Variants in SMARCA2 observed in about 807,000 individuals in gnomAD.
The protein encoded by SMARCA2 is SWI/SNF-related matrix-associated actin-dependent regulator of chromatin subfamily A member 2.
Under a neutral mutation model 199.8 loss-of-function variants are expected in SMARCA2, and 61 were observed. The ratio of observed to expected loss-of-function variants is 0.31; its 90% confidence interval spans 0.25 to 0.38. SMARCA2 has a LOEUF of 0.38. Ranked by LOEUF, SMARCA2 falls within the 10% of genes least tolerant of loss-of-function variation. SMARCA2 has a pLI of 1.00. For missense variants in SMARCA2, 1,344 were observed against 2,012.2 expected (o/e 0.67, Z 6.35); for synonymous variants, 935 against 732.0 (o/e 1.28, Z -4.48).
chr9:2,065,414 G>A (rs73638374), intron 9 of SMARCA2, among the ~76,000 whole-genome samples: 3 of 152,016 alleles, frequency 2.0e-5, no homozygotes, highest in African/African-American at 4.8e-5. Flanking sequence ...TGGAGTGTTC[G>A]ATTTTCTTTC....
intron 21 of SMARCA2, 72 bp downstream of exon 21, chr9:2,097,543 A>G: frequency 1.0e-6 from 1 of 960,988 alleles, no homozygotes. Context: ...AAAACAAACA[A>G]ACAGGAAAAA....
chr9:2,144,070 T>G (rs1824597031), intron 27 of SMARCA2, among the ~76,000 whole-genome samples: 1 of 149,492 alleles, frequency 6.7e-6, no homozygotes, highest in Non-Finnish European at 1.5e-5. Context: ...AGCCGGGAGA[T>G]GGGGGGGGAT....
intron 28 of SMARCA2, among the ~76,000 whole-genome samples, chr9:2,167,547 G>GC (rs1178263285): frequency 1.3e-5 from 2 of 152,210 alleles, no homozygotes; most frequent in African/African-American, 2.4e-5. Context: ...GGTGAACACA[G>GC]CTCCGGGGCA....
chr9:2,080,530 G>A (rs1406855147), intron 14 of SMARCA2, among the ~76,000 whole-genome samples: 1 of 152,198 alleles, frequency 6.6e-6, no homozygotes, highest in Non-Finnish European at 1.5e-5. Context: ...AGTGGTTTCA[G>A]GGTCACGTTG....
At chr9:2,138,150 T>A (rs1231459033) in intron 27 of SMARCA2, among the ~76,000 whole-genome samples, 1 of 150,978 alleles carries the variant, frequency 6.6e-6, no homozygotes, top group African/African-American at 2.5e-5. Flanking sequence ...AGCTTGAGCC[T>A]TCTAATTTCT....
chr9:2,075,497 C>T (rs1396959501), intron 12 of SMARCA2: 2 of 152,124 alleles, frequency 1.3e-5, no homozygotes, highest in African/African-American at 2.4e-5. Context: ...AATCCTTCGC[C>T]AAGTTATTGA....
chr9:2,134,285 C>G (rs889244669), intron 27 of SMARCA2, among the ~76,000 whole-genome samples: 1 of 152,152 alleles, frequency 6.6e-6, no homozygotes, highest in Non-Finnish European at 1.5e-5. Context: ...TGTTACAGGA[C>G]CACAGGTTTA....
intron 27 of SMARCA2, among the ~76,000 whole-genome samples, chr9:2,148,924 C>T (rs552119360): frequency 6.6e-6 from 1 of 151,644 alleles, no homozygotes; most frequent in East Asian, 1.9e-4. Context: ...TCTCTGCCAC[C>T]AACTCTTCAT....
chr9:2,177,581 T>C lies in SMARCA2; in HGVS notation c.4254-3990T>C, dbSNP rs187202235. On this transcript the variant is annotated intron_variant, in intron 29 of 33. Transcript: ENST00000349721. ...TTCTTTTTTTTTTTGAAACTGAGTT[T>C]CGCTCTCGTTGCCCAGGCTGGAGTG... Among the ~76,000 whole-genome samples, 107 of 152,254 alleles carry C rather than the reference T, an allele frequency of 7.0e-4. 1 individual carries two copies. Among genetic ancestry groups the C allele is most frequent in the African/African-American group, 2.5e-3 (105 of 41,562 alleles).
At position 2,191,366 on chromosome 9, in the gene SMARCA2, T is replaced by G; in HGVS notation, c.4695T>G (p.Pro1565=). 1.2e-6 allele frequency: 2 copies of G among 1,614,184 alleles called. No homozygotes were observed. Among genetic ancestry groups the G allele is most frequent in the Non-Finnish European group, 1.7e-6 (2 of 1,180,034 alleles). The change falls in exon 33 of 34, where the codon CCT becomes CCG. Residue 1565 remains proline (P), a synonymous_variant. Coordinates refer to ENST00000349721, the MANE Select transcript of SMARCA2 (RefSeq NM_003070.5). ...KKRPNRGKAK[P]VVSDFDSDEE... ...GGCCAAATCGAGGAAAAGCCAAACC[T>G]GTAGTGAGCGATTTTGACAGCGATG...
At chr9:2,178,127 G>A (rs1826752001) in intron 29 of SMARCA2, among the ~76,000 whole-genome samples, 1 of 151,970 alleles carries the variant, frequency 6.6e-6, no homozygotes, top group Non-Finnish European at 1.5e-5. Context: ...ACAGTGGTAT[G>A]TGGCTCTTTT....
At chr9:2,175,230 C>T (rs1385562253) in intron 29 of SMARCA2, among the ~76,000 whole-genome samples, 1 of 152,006 alleles carries the variant, frequency 6.6e-6, no homozygotes, top group East Asian at 1.9e-4. Flanking sequence ...AAGTAGCCAT[C>T]CTAAGACAGT....
Position 2,017,026 on chromosome 9 carries a change from C to A in SMARCA2, c.-37+1622C>A, listed in dbSNP as rs1818381911. Reference sequence around the variant, plus strand: ...CTGGGTGCAGTTACACGGCGGAGGGCGGGGCGCGGCAGTGCGGGCTCCGGC... The same window carrying A: ...CTGGGTGCAGTTACACGGCGGAGGGAGGGGCGCGGCAGTGCGGGCTCCGGC... On this transcript the variant is annotated intron_variant, in intron 1 of 33. Transcript: ENST00000349721. This position sits in a 1 kb window ranked among gnomAD's most constrained non-coding sequence, Gnocchi z 8.8. 6.6e-6 allele frequency: 1 copy of A among 152,074 alleles called. No homozygotes were observed. The highest frequency in any genetic ancestry group is 2.4e-5 in the African/African-American group (1 of 41,384). The allele number at this position is 152,074 out of a possible 1,614,324, so 9.4% of individuals were successfully genotyped here. A position where few individuals can be genotyped will look rare whatever the true frequency, so the allele number is the denominator to read the frequency against.
At chr9:2,116,435 G>T (rs73391408) in intron 25 of SMARCA2, among the ~76,000 whole-genome samples, 3,615 of 152,012 alleles carry the variant, frequency 0.024, 140 homozygotes, top group African/African-American at 0.081. Flanking sequence ...TCATCCTCCA[G>T]AGCCCTCTCT....
At chr9:2,065,163 C>T (rs1178200628) in intron 9 of SMARCA2, among the ~76,000 whole-genome samples, 7 of 151,848 alleles carry the variant, frequency 4.6e-5, no homozygotes, top group South Asian at 2.1e-4. Flanking sequence ...CCAGCCTGGG[C>T]GACAGAGCGA....
chr9:2,095,657 T>A (rs1244245817), intron 19 of SMARCA2, among the ~76,000 whole-genome samples: 3 of 152,348 alleles, frequency 2.0e-5, no homozygotes, highest in Middle Eastern at 3.4e-3. Context: ...TGTGCTTCCA[T>A]GTGGCCTGAC....
chr9:2,041,085 C>T (rs1261086786), intron 4 of SMARCA2: 1 of 327,750 alleles, frequency 3.1e-6, no homozygotes, highest in Non-Finnish European at 5.5e-6. Flanking sequence ...GGTACTGTTC[C>T]TGGGTTTTGG....
At chr9:2,089,534 G>A (rs535296602) in intron 19 of SMARCA2, among the ~76,000 whole-genome samples, 9 of 152,214 alleles carry the variant, frequency 5.9e-5, no homozygotes, top group Non-Finnish European at 1.0e-4. Flanking sequence ...GGTGTACAAC[G>A]TTGATCACTT....
intron 7 of SMARCA2, among the ~76,000 whole-genome samples, chr9:2,057,178 G>C (rs1820390507): frequency 6.6e-6 from 1 of 152,228 alleles, no homozygotes; most frequent in Admixed American, 6.5e-5. Flanking sequence ...CCGTTCTGGA[G>C]GCTGGAAGCC....
Sources: allele counts gnomAD v4.1 joint callset (sites outside exome capture counted in the v4.1 genomes callset), GRCh38; gene constraint gnomAD v4.1.1; non-coding constraint Gnocchi (gnomAD v3.1); transcripts MANE v1.5; gene names NCBI Gene and HGNC (gene_info 2026-07-23, HGNC 2026-07-21).